LRRFIP2: variants seen among roughly 807,000 people sequenced by gnomAD.
LRRFIP2 encodes the protein leucine-rich repeat flightless-interacting protein 2.
In LRRFIP2, 109 loss-of-function variants were observed where a neutral mutation model predicts 125.9. That is an observed-to-expected ratio of 0.87 (90% CI 0.74 to 1.01). LRRFIP2 has a LOEUF of 1.01. LRRFIP2 is among the 50% of genes least tolerant of loss of function. The pLI, the probability that LRRFIP2 is intolerant of heterozygous loss-of-function variation, is 0.00. For synonymous variants in LRRFIP2, 291 were observed against 293.1 expected (o/e 0.99, Z 0.07); for missense variants, 850 against 862.3 (o/e 0.99, Z 0.18).
intron 25 of LRRFIP2, among the ~76,000 whole-genome samples, chr3:37,057,770 T>C (rs1451408095): frequency 1.3e-5 from 2 of 152,170 alleles, no homozygotes; most frequent in Admixed American, 6.5e-5. Flanking sequence ...ACTATTCTTA[T>C]TGGAAAAATG....
At chr3:37,135,354 G>A (rs896364652) in intron 2 of LRRFIP2, among the ~76,000 whole-genome samples, 3 of 151,466 alleles carry the variant, frequency 2.0e-5, no homozygotes, top group Admixed American at 1.3e-4. Flanking sequence ...AGCTACTCGC[G>A]AGCCTGAGGC....
intron 17 of LRRFIP2, among the ~76,000 whole-genome samples, 188 bp from the exon 18 acceptor site, chr3:37,091,726 T>G (rs988533740): frequency 6.6e-6 from 1 of 152,182 alleles, no homozygotes; most frequent in South Asian, 2.1e-4. Flanking sequence ...ATAGTGGGAC[T>G]GGGGGAAGGT....
chr3:37,160,531 A>C (rs1429947946), intron 1 of LRRFIP2, among the ~76,000 whole-genome samples: 2 of 152,056 alleles, frequency 1.3e-5, no homozygotes. Flanking sequence ...TGTAATCCCA[A>C]CACTTTGGGA....
chr3:37,101,723 C>A (rs552741221), intron 15 of LRRFIP2, among the ~76,000 whole-genome samples: 170 of 151,024 alleles, frequency 1.1e-3, no homozygotes, highest in Non-Finnish European at 1.8e-3. Flanking sequence ...CCACCTCTCA[C>A]CCCCTCCAAA....
chr3:37,088,180 T>C (rs1297859173), intron 18 of LRRFIP2, among the ~76,000 whole-genome samples: 1 of 152,224 alleles, frequency 6.6e-6, no homozygotes, highest in Non-Finnish European at 1.5e-5. Flanking sequence ...AACCAGATTG[T>C]GAGCTATCTG....
Position 37,103,014 on chromosome 3 carries a change from CT to C in LRRFIP2, c.784-2del. The C allele has an allele frequency of 6.4e-7, 1 of 1,552,452 alleles. No individual in the cohort carries two copies. The highest frequency in any genetic ancestry group is 8.7e-7 in the Non-Finnish European group (1 of 1,146,934). On this transcript the variant is annotated splice_acceptor_variant, in intron 14 of 27. Transcript: ENST00000336686. LOFTEE classifies it high-confidence loss of function. Reference sequence around the variant, plus strand: ...GACTGAAATAATCAGCGGCAGATACCTTTCGGTCAGAAAAAAAACAAGATGC... The same window carrying C: ...GACTGAAATAATCAGCGGCAGATACCTTCGGTCAGAAAAAAAACAAGATGC...
chr3:37,066,511 G>T (rs2090190176), intron 21 of LRRFIP2, 186 bp from the exon 22 acceptor site: 1 of 564,598 alleles, frequency 1.8e-6, no homozygotes, highest in African/African-American at 1.9e-5. Context: ...TACATCTCCA[G>T]AAGAGACTTC....
At chr3:37,174,443 T>C (rs188074654) in intron 1 of LRRFIP2, 96 bp downstream of exon 1, 115 of 152,350 alleles carry the variant, frequency 7.5e-4, no homozygotes, top group Non-Finnish European at 1.4e-3. Flanking sequence ...AGTTTCATTC[T>C]ACATTTTTAA....
chr3:37,096,029 G>A (rs1023098921), intron 16 of LRRFIP2, among the ~76,000 whole-genome samples: 17 of 152,060 alleles, frequency 1.1e-4, no homozygotes, highest in Non-Finnish European at 2.2e-4. Context: ...AATTTTACCT[G>A]CTTTTTACTT....
intron 4 of LRRFIP2, among the ~76,000 whole-genome samples, chr3:37,124,992 C>A (rs553263358): frequency 4.1e-4 from 62 of 151,950 alleles, no homozygotes; most frequent in Non-Finnish European, 6.5e-4. Context: ...GTCATTATCC[C>A]AAAAGTCCTT....
rs987247737 is a variant in LRRFIP2 at position 37,084,120 on chromosome 3, A to G, written c.1108-314T>C. Among the ~76,000 whole-genome samples the G allele has an allele frequency of 4.6e-5, 7 of 152,206 alleles. No homozygotes were observed. The South Asian group carries it at 6.2e-4, about 13-fold the overall frequency. On this transcript the variant is annotated intron_variant, in intron 18 of 27. Transcript: ENST00000336686. ...AGGGTCATAAAATGAAGAATCATCAATATTTTCAGAAATTTTACTCTTATA... is the reference window on the plus strand; with the variant it reads ...AGGGTCATAAAATGAAGAATCATCAGTATTTTCAGAAATTTTACTCTTATA...
intron 1 of LRRFIP2, among the ~76,000 whole-genome samples, chr3:37,167,210 A>AAAAG (rs113569381): frequency 2.2e-4 from 33 of 150,154 alleles, no homozygotes; most frequent in East Asian, 5.8e-4. Context: ...AAAAAAAAAA[A>AAAAG]AAAGAAAGAA....
chr3:37,074,886 T>C (rs879024645), intron 20 of LRRFIP2, 138 bp downstream of exon 20: 1 of 577,508 alleles, frequency 1.7e-6, no homozygotes. Flanking sequence ...GGTTTATGTT[T>C]GAAAATTTGT....
intron 2 of LRRFIP2, 102 bp downstream of exon 2, chr3:37,148,792 C>G: frequency 8.0e-7 from 1 of 1,257,330 alleles, no homozygotes; most frequent in Non-Finnish European, 1.1e-6. Flanking sequence ...TAATAAACAT[C>G]TGAAACTAGT....
intron 1 of LRRFIP2, chr3:37,174,100 G>A (rs977013021): frequency 6.6e-6 from 1 of 152,010 alleles, no homozygotes; most frequent in African/African-American, 2.4e-5. Flanking sequence ...GATATCCAAA[G>A]TAAAAAAAAG....
rs1454130675 is a variant in LRRFIP2, at chr3:37,052,695, T to C, written c.*1156A>G. On this transcript the variant is annotated 3_prime_UTR_variant, in exon 28 of 28. Coordinates refer to ENST00000336686, the MANE Select transcript of LRRFIP2 (RefSeq NM_006309.4). ...TTTAAAGTCTAGTTTTATTATCTTA[T>C]GTGCCTTTAGTCACTAGATTTTCCC... 6.6e-6 allele frequency: 1 copy of C among 152,248 alleles called. No homozygotes were observed. The highest frequency in any genetic ancestry group is 1.5e-5 in the Non-Finnish European group (1 of 68,032). 9.4% of individuals were successfully genotyped at this position (152,248 alleles called of 1,614,324 possible). A position where few individuals can be genotyped will look rare whatever the true frequency, so the allele number is the denominator to read the frequency against.
chr3:37,136,981 G>C (rs1422479302), intron 2 of LRRFIP2, among the ~76,000 whole-genome samples: 1 of 127,174 alleles, frequency 7.9e-6, no homozygotes, highest in Non-Finnish European at 1.6e-5. Flanking sequence ...GGTGGGGGGG[G>C]GGCGGGGACA....
intron 2 of LRRFIP2, among the ~76,000 whole-genome samples, chr3:37,147,838 T>A (rs947786215): frequency 6.6e-6 from 1 of 152,154 alleles, no homozygotes; most frequent in Non-Finnish European, 1.5e-5. Context: ...CAGCTGGCAG[T>A]CATCTTAAAT....
rs2096055515 is a variant in LRRFIP2, at chr3:37,152,255, CA to C, written c.-55-3218del. 3.3e-5 allele frequency among the ~76,000 whole-genome samples: 5 copies of C among 152,172 alleles called. No individual in the cohort carries two copies. In the South Asian group the frequency reaches 1.0e-3, roughly 32 times the overall value. On this transcript the variant is annotated intron_variant, in intron 1 of 27. Transcript: ENST00000336686. ...GAGCTAAAATATACAGACACAAAGG[CA>C]TAAGAATGATATAATAGACTTTGGG... is the stretch of plus-strand genomic sequence containing the variant.
Sources: allele counts gnomAD v4.1 joint callset (sites outside exome capture counted in the v4.1 genomes callset), GRCh38; gene constraint gnomAD v4.1.1; transcripts MANE v1.5; gene names NCBI Gene and HGNC (gene_info 2026-07-23, HGNC 2026-07-21).